Variants in CACNG2 observed in about 807,000 individuals in gnomAD.
CACNG2 encodes calcium voltage-gated channel auxiliary subunit gamma 2, also known as voltage-dependent calcium channel gamma-2 subunit.
In CACNG2, 3 loss-of-function variants were observed where a neutral mutation model predicts 25.9. The observed-to-expected ratio is 0.12, with a 90% CI of 0.05 to 0.30. The LOEUF is 0.30. Among genes scored for constraint, CACNG2 ranks in the 10% least tolerant of loss-of-function variants. The pLI, the probability that CACNG2 is intolerant of heterozygous loss-of-function variation, is 1.00. For synonymous variants in CACNG2, 167 were observed against 173.3 expected (o/e 0.96, Z 0.29); for missense variants, 341 against 432.5 (o/e 0.79, Z 1.88).
intron 1 of CACNG2, among the ~76,000 whole-genome samples, chr22:36,695,054 A>G (rs1017117598): frequency 1.3e-5 from 2 of 152,070 alleles, no homozygotes; most frequent in Non-Finnish European, 2.9e-5. Flanking sequence ...CATCTCTACA[A>G]GAAACTTAAA....
At position 36,612,199 on chromosome 22, in the gene CACNG2, G is replaced by C. The variant is rs1177863346; in HGVS notation, c.212-24651C>G. Among the ~76,000 whole-genome samples, 12 of 152,186 alleles carry C rather than the reference G, an allele frequency of 7.9e-5. 1 individual carries two copies. The South Asian group carries it at 2.5e-3, about 32-fold the overall frequency. The stretch of plus-strand genomic sequence containing the variant: ...TGCCACTTACTAGCCATGACCTCGG[G>C]TAAGACATGTCACCTCTTAGTGCCT... On this transcript the variant is annotated intron_variant, in intron 1 of 3. Coordinates refer to ENST00000300105, the MANE Select transcript of CACNG2 (RefSeq NM_006078.5).
chr22:36,589,004 C>T (rs754938830), intron 1 of CACNG2, among the ~76,000 whole-genome samples: 6,934 of 52,544 alleles, frequency 0.13, 417 homozygotes, highest in African/African-American at 0.31. Flanking sequence ...TTTTTTTTTC[C>T]CCCTGAAATG....
intron 1 of CACNG2, among the ~76,000 whole-genome samples, chr22:36,677,302 C>A (rs1301071533): frequency 6.6e-6 from 1 of 152,070 alleles, no homozygotes; most frequent in Non-Finnish European, 1.5e-5. Flanking sequence ...TATATTTATC[C>A]CCATCATTCC....
At chr22:36,613,187 T>C (rs1198556395) in intron 1 of CACNG2, among the ~76,000 whole-genome samples, 2 of 152,044 alleles carry the variant, frequency 1.3e-5, no homozygotes, top group African/African-American at 2.4e-5. Flanking sequence ...TGTGTGTGTG[T>C]GTGCATGTGT....
At chr22:36,631,707 A>C (rs1032237331) in intron 1 of CACNG2, among the ~76,000 whole-genome samples, 12 of 150,966 alleles carry the variant, frequency 7.9e-5, no homozygotes, top group Middle Eastern at 3.6e-3. Context: ...CAGGCAAACT[A>C]GCTGGAACTG....
At chr22:36,689,427 G>T (rs28544518) in intron 1 of CACNG2, among the ~76,000 whole-genome samples, 1 of 152,178 alleles carries the variant, frequency 6.6e-6, no homozygotes, top group Non-Finnish European at 1.5e-5. Context: ...GAGAGACTGG[G>T]AAGAGGAAGG....
At chr22:36,658,442 G>T (rs1347356917) in intron 1 of CACNG2, among the ~76,000 whole-genome samples, 1 of 152,198 alleles carries the variant, frequency 6.6e-6, no homozygotes, top group Non-Finnish European at 1.5e-5. Flanking sequence ...TGCATGCTGG[G>T]CTTTTCACAC....
At chr22:36,640,562 C>T (rs1044184027) in intron 1 of CACNG2, among the ~76,000 whole-genome samples, 1 of 152,196 alleles carries the variant, frequency 6.6e-6, no homozygotes, top group Non-Finnish European at 1.5e-5. Context: ...ACTGCCTACC[C>T]TTTCTGCATC....
At chr22:36,648,379 A>G (rs1427155673) in intron 1 of CACNG2, among the ~76,000 whole-genome samples, 1 of 152,260 alleles carries the variant, frequency 6.6e-6, no homozygotes, top group East Asian at 1.9e-4. Context: ...CCAGAATTCA[A>G]CGTGGTAGGT....
intron 1 of CACNG2, among the ~76,000 whole-genome samples, chr22:36,590,216 C>G (rs1569022437): frequency 6.6e-6 from 1 of 152,182 alleles, no homozygotes; most frequent in South Asian, 2.1e-4. Flanking sequence ...ACCATTGGCT[C>G]CTAGCGCAGT....
intron 1 of CACNG2, among the ~76,000 whole-genome samples, chr22:36,617,732 A>G (rs368787643): frequency 5.0e-4 from 76 of 150,610 alleles, no homozygotes; most frequent in African/African-American, 1.8e-3. Context: ...AGACAGCCCA[A>G]TGACTGAACT....
chr22:36,607,314 C>A (rs1935854274), intron 1 of CACNG2, among the ~76,000 whole-genome samples: 1 of 152,188 alleles, frequency 6.6e-6, no homozygotes, highest in Non-Finnish European at 1.5e-5. Flanking sequence ...GTGGCACAAT[C>A]ACGGCTCACT....
intron 2 of CACNG2, among the ~76,000 whole-genome samples, chr22:36,575,231 T>C (rs1312262193): frequency 1.3e-5 from 2 of 152,214 alleles, no homozygotes; most frequent in Non-Finnish European, 2.9e-5. Context: ...TATTATTTTC[T>C]ATGAGGGTGA....
chr22:36,702,618 G>A lies in CACNG2; in HGVS notation c.-42C>T, dbSNP rs771939161. 1.8e-5 allele frequency: 28 copies of A among 1,538,350 alleles called. No individual in the cohort carries two copies. In the Admixed American group the frequency reaches 1.8e-4, roughly 10 times the overall value. On this transcript the variant is annotated 5_prime_UTR_variant, in exon 1 of 4. Coordinates refer to ENST00000300105, the MANE Select transcript of CACNG2 (RefSeq NM_006078.5). ...AACACCCAACCGACTTCTGGTTCTC[G>A]GGAGAGTGTGTGTGAGGGTGCAAGT... is the stretch of plus-strand genomic sequence containing the variant.
chr22:36,682,479 G>A (rs1373695209), intron 1 of CACNG2, among the ~76,000 whole-genome samples: 3 of 147,338 alleles, frequency 2.0e-5, no homozygotes, highest in African/African-American at 7.6e-5. Context: ...TTTTTATCTT[G>A]TATTCCCCTC....
intron 1 of CACNG2, among the ~76,000 whole-genome samples, chr22:36,656,055 T>G (rs1027121751): frequency 1.3e-5 from 2 of 152,078 alleles, no homozygotes; most frequent in Admixed American, 1.3e-4. Context: ...TGATCTGCCC[T>G]TCTTGGCCTC....
chr22:36,702,379 G>A lies in CACNG2; in HGVS notation c.198C>T (p.Thr66=). 1 of 1,613,432 alleles carries A rather than the reference G, an allele frequency of 6.2e-7. No individual in the cohort carries two copies. Among genetic ancestry groups the A allele is most frequent in the Non-Finnish European group, 8.5e-7 (1 of 1,179,532 alleles). ...EVMTHSGLWR[T]CCLEGNFKGL... ...GAAGTCAAGTACCTTCTAGGCAGCA[G>A]GTTCTCCATAATCCGGAATGGGTCA... Residue 66 remains threonine, a synonymous_variant, in exon 1 of 4, where the codon ACC becomes ACT. Coordinates refer to ENST00000300105, the MANE Select transcript of CACNG2 (RefSeq NM_006078.5).
chr22:36,673,970 T>C (rs1936989563), intron 1 of CACNG2, among the ~76,000 whole-genome samples: 1 of 152,202 alleles, frequency 6.6e-6, no homozygotes, highest in Non-Finnish European at 1.5e-5. Context: ...CGGGGTCCCC[T>C]GTGACTCTCT....
rs551698311 is a variant in CACNG2, at chr22:36,594,705, G to C, written c.212-7157C>G. Among the ~76,000 whole-genome samples the C allele has an allele frequency of 1.2e-4, 18 of 146,058 alleles. No individual in the cohort carries two copies. In the South Asian group the frequency reaches 2.7e-3, roughly 22 times the overall value. On this transcript the variant is annotated intron_variant, in intron 1 of 3. Transcript: ENST00000300105. ...CGCGTGTGTGTCTGTGTGTGTGTCT[G>C]TGTGTGTGTGCATGTGTGTGTGTCT... is the stretch of plus-strand genomic sequence containing the variant.
Sources: gnomAD v4.1 joint callset for allele counts (sites outside exome capture counted in the v4.1 genomes callset) on GRCh38, gnomAD v4.1.1 for gene constraint, MANE v1.5 for transcripts, NCBI Gene and HGNC (gene_info 2026-07-23, HGNC 2026-07-21) for gene names.